The following CIB4 variants were observed in gnomAD, a reference collection of about 807,000 sequenced individuals.
The protein encoded by CIB4 is calcium and integrin-binding family member 4.
A neutral mutation model predicts 25.8 loss-of-function variants in CIB4; 25 were observed. The observed-to-expected ratio is 0.97, with a 90% CI of 0.71 to 1.35. The LOEUF (loss-of-function observed/expected upper bound fraction) is 1.35, where lower values mean the gene tolerates loss of function less well. CIB4 is among the 40% of genes most tolerant of loss of function. CIB4 has a pLI of 0.00. For synonymous variants in CIB4, 75 were observed against 81.4 expected (o/e 0.92, Z 0.42); for missense variants, 235 against 228.2 (o/e 1.03, Z -0.19).
chr2:26,640,423 G>T, intron 2 of CIB4, 110 bp downstream of exon 2: 4 of 1,188,388 alleles, frequency 3.4e-6, no homozygotes, highest in Non-Finnish European at 3.6e-6. Flanking sequence ...GGGCTGTGTG[G>T]CTCTGAGCAG....
chr2:26,611,236 G>A (rs1668990403), intron 3 of CIB4, among the ~76,000 whole-genome samples: 1 of 152,260 alleles, frequency 6.6e-6, no homozygotes, highest in African/African-American at 2.4e-5. Flanking sequence ...CCTTCGGGCT[G>A]CAGGGCCAGC....
intron 2 of CIB4, 45 bp from the exon 3 acceptor site, chr2:26,629,551 C>G (rs1286932340): frequency 1.5e-6 from 2 of 1,347,798 alleles, no homozygotes; most frequent in Admixed American, 3.9e-5. Flanking sequence ...GAAAGGAGGC[C>G]AGCACTGTGT....
rs183527861 is a variant in CIB4, at chr2:26,584,728, C to T, written c.329-830G>A. On this transcript the variant is annotated intron_variant, in intron 4 of 6. Coordinates refer to ENST00000288861, the MANE Select transcript of CIB4 (RefSeq NM_001029881.3). ...ACCATGGCAGGCTCCTTACATTTCA[C>T]ATCCCCCTGTAAAATAACCCAGGAT... Among the ~76,000 whole-genome samples, 66 of 152,350 alleles carry T rather than the reference C, an allele frequency of 4.3e-4. 2 individuals carry two copies. The East Asian group carries it at 0.012, about 28-fold the overall frequency.
intron 3 of CIB4, among the ~76,000 whole-genome samples, chr2:26,595,660 T>A (rs1668668200): frequency 6.6e-6 from 1 of 152,246 alleles, no homozygotes; most frequent in African/African-American, 2.4e-5. Flanking sequence ...GTAGAAATCA[T>A]GAGCATCCAG....
chr2:26,626,720 C>T (rs1434808703), intron 3 of CIB4, among the ~76,000 whole-genome samples: 4 of 152,088 alleles, frequency 2.6e-5, no homozygotes, highest in Admixed American at 2.6e-4. Context: ...TCTGAGACTC[C>T]AGAAAAGGTG....
At chr2:26,637,020 G>A (rs562785643) in intron 2 of CIB4, among the ~76,000 whole-genome samples, 2 of 152,184 alleles carry the variant, frequency 1.3e-5, no homozygotes, top group South Asian at 4.2e-4. Context: ...TTACAGGGAG[G>A]CTCTAAAATG....
intron 3 of CIB4, among the ~76,000 whole-genome samples, chr2:26,610,032 G>C (rs1023627306): frequency 9.2e-5 from 14 of 152,292 alleles, no homozygotes; most frequent in Non-Finnish European, 1.9e-4. Flanking sequence ...AGCAGGCTGG[G>C]TTCCGCTTGG....
At chr2:26,628,594 C>A (rs1669352669) in intron 3 of CIB4, among the ~76,000 whole-genome samples, 1 of 152,150 alleles carries the variant, frequency 6.6e-6, no homozygotes, top group South Asian at 2.1e-4. Flanking sequence ...GCCCAGGCAG[C>A]GCTGGCTGAA....
chr2:26,641,299 T>G lies in CIB4; in HGVS notation c.16A>C (p.Arg6=). Residue 6 remains arginine (R), a synonymous_variant, in exon 1 of 7, where the codon AGG becomes CGG. Transcript: ENST00000288861. The part of the protein sequence containing the change: MGQCL[R]YQMHWEDLEE... ...AGGTCCTCCCAGTGCATCTGATACC[T>G]CAAGCATTGCCCCATGCCAACCACA... 1 of 1,613,662 alleles carries G rather than the reference T, an allele frequency of 6.2e-7. No homozygotes were observed. The highest frequency in any genetic ancestry group is 8.5e-7 in the Non-Finnish European group (1 of 1,179,806).
At chr2:26,620,849 G>A (rs866898301) in intron 3 of CIB4, among the ~76,000 whole-genome samples, 1 of 152,176 alleles carries the variant, frequency 6.6e-6, no homozygotes, top group Non-Finnish European at 1.5e-5. Flanking sequence ...CTACAAAAAC[G>A]AGAAAGATCA....
At chr2:26,631,158 G>C (rs553800739) in intron 2 of CIB4, among the ~76,000 whole-genome samples, 22 of 152,274 alleles carry the variant, frequency 1.4e-4, no homozygotes, top group African/African-American at 5.3e-4. Flanking sequence ...ATGAGGCTCT[G>C]ATTGGTGGAA....
chr2:26,593,391 C>T (rs1668623644), intron 4 of CIB4, among the ~76,000 whole-genome samples: 1 of 146,252 alleles, frequency 6.8e-6, no homozygotes, highest in Non-Finnish European at 1.5e-5. Flanking sequence ...TATACACACA[C>T]ACATATATAC....
intron 4 of CIB4, among the ~76,000 whole-genome samples, chr2:26,592,670 G>C: frequency 6.6e-6 from 1 of 152,098 alleles, no homozygotes; most frequent in Non-Finnish European, 1.5e-5. Context: ...CTGTTCTTCA[G>C]ATTAAGTTAT....
Position 26,583,913 on chromosome 2 carries a change from C to G in CIB4, c.329-15G>C. On this transcript the variant is annotated splice_polypyrimidine_tract_variant and intron_variant, in intron 4 of 6. Transcript: ENST00000288861. ...CTCATTAAAATCTGCAAAGAAGAGGCCAGGCCTGCATTAGACGGAGCTGGG... is the reference window on the plus strand; with the variant it reads ...CTCATTAAAATCTGCAAAGAAGAGGGCAGGCCTGCATTAGACGGAGCTGGG... 1 of 1,533,706 alleles carries G rather than the reference C, an allele frequency of 6.5e-7. No homozygotes were observed. The highest frequency in any genetic ancestry group is 9.0e-7 in the Non-Finnish European group (1 of 1,106,926).
intron 3 of CIB4, among the ~76,000 whole-genome samples, chr2:26,624,302 C>G (rs193239125): frequency 1.3e-5 from 2 of 152,196 alleles, no homozygotes; most frequent in African/African-American, 4.8e-5. Flanking sequence ...CCCGTCCTTG[C>G]GGCCACAGAG....
intron 2 of CIB4, among the ~76,000 whole-genome samples, chr2:26,629,870 C>T (rs550612206): frequency 4.6e-5 from 7 of 152,256 alleles, no homozygotes; most frequent in Admixed American, 2.0e-4. Context: ...CCCTCGGTTA[C>T]GGATGGGGAA....
intron 4 of CIB4, among the ~76,000 whole-genome samples, chr2:26,593,374 G>T (rs983499798): frequency 6.7e-6 from 1 of 149,516 alleles, no homozygotes; most frequent in South Asian, 2.1e-4. Flanking sequence ...ATATACACAC[G>T]CACACATATA....
chr2:26,619,628 C>A (rs1669164067), intron 3 of CIB4, among the ~76,000 whole-genome samples: 2 of 152,266 alleles, frequency 1.3e-5, no homozygotes, highest in Admixed American at 1.3e-4. Context: ...GACAGGGAAA[C>A]AACAGCAGAT....
intron 2 of CIB4, among the ~76,000 whole-genome samples, chr2:26,637,924 T>A (rs1669563765): frequency 6.6e-6 from 1 of 152,182 alleles, no homozygotes; most frequent in Non-Finnish European, 1.5e-5. Flanking sequence ...CTCTGTCTTA[T>A]CTGAAGGTGT....
Sources: gnomAD v4.1 joint callset for allele counts (sites outside exome capture counted in the v4.1 genomes callset) on GRCh38, gnomAD v4.1.1 for gene constraint, MANE v1.5 for transcripts, NCBI Gene and HGNC (gene_info 2026-07-23, HGNC 2026-07-21) for gene names.